ANKRD31: variants seen among roughly 807,000 people sequenced by gnomAD.
ANKRD31 encodes ankyrin repeat domain 31, also known as ankyrin repeat domain-containing protein 31.
ANKRD31 carries 147 observed loss-of-function variants against 186.0 expected under a neutral mutation model. The observed-to-expected ratio is 0.79, with a 90% CI of 0.69 to 0.91. The LOEUF (loss-of-function observed/expected upper bound fraction) is 0.91, where lower values mean the gene tolerates loss of function less well. Among genes scored for constraint, ANKRD31 ranks in the 40% least tolerant of loss-of-function variants. ANKRD31 has a pLI of 0.00. For missense variants in ANKRD31, 1,986 were observed against 2,148.8 expected (o/e 0.92, Z 1.50); for synonymous variants, 673 against 736.4 (o/e 0.91, Z 1.39).
At chr5:75,120,946 A>G (rs1748718321) in intron 17 of ANKRD31, among the ~76,000 whole-genome samples, 1 of 152,182 alleles carries the variant, frequency 6.6e-6, no homozygotes, top group South Asian at 2.1e-4. Flanking sequence ...GCACTTTGGG[A>G]GGCCGAGACA....
chr5:75,187,804 C>T (rs1754838972), intron 10 of ANKRD31, among the ~76,000 whole-genome samples: 1 of 152,108 alleles, frequency 6.6e-6, no homozygotes, highest in Admixed American at 6.6e-5. Context: ...CATCTCTGTG[C>T]ACCATAAGAC....
chr5:75,095,670 G>C (rs183028742), intron 22 of ANKRD31, among the ~76,000 whole-genome samples: 2 of 152,256 alleles, frequency 1.3e-5, no homozygotes, highest in Admixed American at 1.3e-4. Flanking sequence ...AGATTGCAAG[G>C]CTTGGGTTTG....
intron 10 of ANKRD31, among the ~76,000 whole-genome samples, chr5:75,186,958 A>G (rs1464071925): frequency 6.6e-6 from 1 of 152,034 alleles, no homozygotes; most frequent in Non-Finnish European, 1.5e-5. Flanking sequence ...CGCTCACTAC[A>G]TTGAACTAAC....
Position 75,193,184 on chromosome 5 carries a change from C to T in ANKRD31, c.1298+127G>A, listed in dbSNP as rs1026648784. On this transcript the variant is annotated intron_variant, in intron 8 of 25. Coordinates refer to ENST00000506364, the MANE Select transcript of ANKRD31 (RefSeq NM_001372053.1). Reference sequence around the variant, plus strand: ...GATCAAAAACTGCAAAATAAAAAAGCAATAATATAAAAAATAAAGCTCTTT... The same window carrying T: ...GATCAAAAACTGCAAAATAAAAAAGTAATAATATAAAAAATAAAGCTCTTT... 1.3e-5 allele frequency: 15 copies of T among 1,153,426 alleles called. No homozygotes were observed. The African/African-American group carries it at 2.4e-4, about 18-fold the overall frequency. 71.4% of individuals were successfully genotyped at this position (1,153,426 alleles called of 1,614,324 possible). A position where few individuals can be genotyped will look rare whatever the true frequency, so the allele number is the denominator to read the frequency against.
chr5:75,076,114 G>A (rs1044628460), intron 25 of ANKRD31, among the ~76,000 whole-genome samples: 6 of 151,996 alleles, frequency 3.9e-5, no homozygotes, highest in East Asian at 1.9e-4. Flanking sequence ...CCAAATGTGC[G>A]GACTTTTTTC....
chr5:75,147,291 G>A lies in ANKRD31; in HGVS notation c.2120C>T (p.Thr707Ile), dbSNP rs919576792. The change falls in exon 14 of 26, where the codon ACA becomes ATA. Residue 707 changes from threonine to isoleucine, a missense_variant. Coordinates refer to ENST00000506364, the MANE Select transcript of ANKRD31 (RefSeq NM_001372053.1). ...KQSTLDQIYS[T>I]GLRKGNLHNV... is the part of the protein sequence containing the mutation. ...ATGGAGATTGCCCTTTCTGAGTCCT[G>A]TAGAGTATATCTGGTCAAGAGTTGA... is the stretch of plus-strand genomic sequence containing the variant. The A allele has an allele frequency of 6.5e-7, 1 of 1,535,482 alleles. No individual in the cohort carries two copies.
chr5:75,216,721 G>A (rs1756983566), intron 3 of ANKRD31, among the ~76,000 whole-genome samples: 1 of 152,020 alleles, frequency 6.6e-6, no homozygotes. Flanking sequence ...TAAAATGTAT[G>A]TATCTTTCCT....
At chr5:75,181,068 G>A (rs1231016316) in intron 10 of ANKRD31, among the ~76,000 whole-genome samples, 6 of 151,076 alleles carry the variant, frequency 4.0e-5, no homozygotes, top group African/African-American at 1.5e-4. Flanking sequence ...TCAAAAAGTG[G>A]GCAAAGGATA....
chr5:75,104,041 T>C (rs11956764), intron 22 of ANKRD31, among the ~76,000 whole-genome samples, 187 bp downstream of exon 22: 10,679 of 152,170 alleles, frequency 0.07, 523 homozygotes, highest in African/African-American at 0.14. Context: ...TAAAAATAAA[T>C]GTATCAGGGC....
chr5:75,082,109 T>G (rs536959004), intron 24 of ANKRD31, among the ~76,000 whole-genome samples: 1 of 152,328 alleles, frequency 6.6e-6, no homozygotes, highest in South Asian at 2.1e-4. Flanking sequence ...TATTACCAGT[T>G]ATTAATGTTA....
chr5:75,143,119 C>T (rs555622227), intron 15 of ANKRD31, among the ~76,000 whole-genome samples: 1 of 152,226 alleles, frequency 6.6e-6, no homozygotes, highest in African/African-American at 2.4e-5. Flanking sequence ...GCTTCCTTGG[C>T]TGTGGCTACA....
At chr5:75,168,930 A>G (rs1387251657) in intron 11 of ANKRD31, 49 bp downstream of exon 11, 1 of 1,460,940 alleles carries the variant, frequency 6.8e-7, no homozygotes, top group East Asian at 2.5e-5. Flanking sequence ...GAGATATTTA[A>G]TATTTGCAAA....
chr5:75,228,727 T>A (rs1361792624), intron 2 of ANKRD31, among the ~76,000 whole-genome samples: 1 of 152,108 alleles, frequency 6.6e-6, no homozygotes, highest in African/African-American at 2.4e-5. Flanking sequence ...TTAATATTTT[T>A]AATAACCAGC....
chr5:75,084,440 C>T (rs4416584), intron 23 of ANKRD31, 66 bp from the exon 24 acceptor site: 1 of 1,169,686 alleles, frequency 8.5e-7, no homozygotes, highest in Non-Finnish European at 1.2e-6. Context: ...CACCTATGTC[C>T]TGAACATTGT....
intron 25 of ANKRD31, among the ~76,000 whole-genome samples, chr5:75,069,830 G>A (rs1376291347): frequency 6.6e-6 from 1 of 152,150 alleles, no homozygotes; most frequent in Non-Finnish European, 1.5e-5. Flanking sequence ...TTTTTATTGG[G>A]TATTTTGGCA....
In ANKRD31 at chr5:75,138,792, G is replaced by A. The variant is rs10044478; in HGVS notation, c.3733+54C>T. ...TGGAGGGGGCAGGAGGTGTTGAAATGTGTATTTCAGTGAGTTCAAATTATA... is the reference window on the plus strand; with the variant it reads ...TGGAGGGGGCAGGAGGTGTTGAAATATGTATTTCAGTGAGTTCAAATTATA... On this transcript the variant is annotated intron_variant, in intron 16 of 25. Coordinates refer to ENST00000506364, the MANE Select transcript of ANKRD31 (RefSeq NM_001372053.1). 6.0e-3 allele frequency: 8,934 copies of A among 1,501,136 alleles called. 48 individuals carry two copies. The highest frequency in any genetic ancestry group is 5.7e-3 in the Non-Finnish European group (6,357 of 1,124,340). The allele number at this position is 1,501,136 out of a possible 1,614,324, so 93.0% of individuals were successfully genotyped here.
rs564791815 is a variant in ANKRD31 at position 75,143,419 on chromosome 5, A to AG, written c.3595+581dup. Among the ~76,000 whole-genome samples, 457 of 152,236 alleles carry AG rather than the reference A, an allele frequency of 3.0e-3. 2 individuals are homozygous for AG. Among genetic ancestry groups the AG allele is most frequent in the African/African-American group, 9.8e-3 (407 of 41,546 alleles). On this transcript the variant is annotated intron_variant, in intron 15 of 25. Transcript: ENST00000506364. Reference sequence around the variant, plus strand: ...TAAGAAGGATTTCAGTTTACATGAGAGGGGGAAAATGAAAGAATATTCATA... The same window carrying AG: ...TAAGAAGGATTTCAGTTTACATGAGAGGGGGGAAAATGAAAGAATATTCATA...
Position 75,084,491 on chromosome 5 carries a change from C to G in ANKRD31, c.5473-117G>C, listed in dbSNP as rs1745332412. 3 of 799,566 alleles carry G rather than the reference C, an allele frequency of 3.8e-6. No homozygotes were observed. The African/African-American group carries it at 5.1e-5, about 14-fold the overall frequency. The allele number at this position is 799,566 out of a possible 1,614,324, so 49.5% of individuals were successfully genotyped here. On this transcript the variant is annotated intron_variant, in intron 23 of 25. Coordinates refer to ENST00000506364, the MANE Select transcript of ANKRD31 (RefSeq NM_001372053.1). ...TTGATTGTTGTATGTTGTGGATTAG[C>G]AAGCTTCAGTCCATGGCCAAATCCC...
At chr5:75,098,101 T>C (rs1746482867) in intron 22 of ANKRD31, among the ~76,000 whole-genome samples, 1 of 152,086 alleles carries the variant, frequency 6.6e-6, no homozygotes, top group Admixed American at 6.6e-5. Flanking sequence ...CTCGGCTCAC[T>C]GCAAGCTCTG....
Sources: gnomAD v4.1 joint callset for allele counts (sites outside exome capture counted in the v4.1 genomes callset) on GRCh38, gnomAD v4.1.1 for gene constraint, MANE v1.5 for transcripts, NCBI Gene and HGNC (gene_info 2026-07-23, HGNC 2026-07-21) for gene names.